MED12L: variants seen among roughly 807,000 people sequenced by gnomAD.
MED12L encodes the protein mediator of RNA polymerase II transcription subunit 12-like protein.
Under a neutral mutation model 281.3 loss-of-function variants are expected in MED12L, and 60 were observed. The observed-to-expected ratio is 0.21, with a 90% confidence interval of 0.17 to 0.26. The LOEUF (loss-of-function observed/expected upper bound fraction) is 0.26, where lower values mean the gene tolerates loss of function less well. Ranked by LOEUF, MED12L falls within the 10% of genes least tolerant of loss-of-function variation. The pLI, the probability that MED12L is intolerant of heterozygous loss-of-function variation, is 1.00. For missense variants in MED12L, 2,146 were observed against 2,680.9 expected, an observed-to-expected ratio of 0.80 and a Z score of 4.41; for synonymous variants, 974 against 987.2, an observed-to-expected ratio of 0.99 and a Z score of 0.25.
At chr3:151,406,406 T>C (rs976908015) in intron 39 of MED12L, among the ~76,000 whole-genome samples, 2 of 152,246 alleles carry the variant, frequency 1.3e-5, no homozygotes, top group African/African-American at 4.8e-5. Context: ...ATCCATTTCA[T>C]TCTGATAGGA....
intron 16 of MED12L, among the ~76,000 whole-genome samples, chr3:151,261,806 C>A (rs1343516468): frequency 6.6e-6 from 1 of 152,162 alleles, no homozygotes; most frequent in Non-Finnish European, 1.5e-5. Flanking sequence ...CGCACTATAA[C>A]CTCCACCTCC....
Position 151,377,027 on chromosome 3 carries a change from G to A in MED12L, c.4165G>A (p.Asp1389Asn). 6.2e-7 allele frequency: 1 copy of A among 1,614,008 alleles called. No individual in the cohort carries two copies. The highest frequency in any genetic ancestry group is 8.5e-7 in the Non-Finnish European group (1 of 1,179,942). ...TGTGGCCGAAATGAACAACTTACTGGACAATATTGCAAAGGCAACAATAGA... is the reference window on the plus strand; with the variant it reads ...TGTGGCCGAAATGAACAACTTACTGAACAATATTGCAAAGGCAACAATAGA... ...GSVAEMNNLL[D>N]NIAKATIEVF... Residue 1389 changes from aspartate (D) to asparagine (N), a missense_variant, in exon 30 of 45, where the codon GAC (aspartate) becomes AAC (asparagine). Around this residue, in one of 9 missense-constraint regions of MED12L, gnomAD observed 235 missense variants for 260.3 expected, o/e 0.90. Transcript: ENST00000687756.
intron 16 of MED12L, among the ~76,000 whole-genome samples, chr3:151,260,570 C>T (rs1471579423): frequency 2.6e-5 from 4 of 152,050 alleles, no homozygotes; most frequent in African/African-American, 4.8e-5. Context: ...TGGTCGGTCT[C>T]GAACTTCTGA....
At chr3:151,141,187 G>GTTTTGTTTTTTTGTTTTTT (rs1716934388) in intron 5 of MED12L, among the ~76,000 whole-genome samples, 4 of 99,124 alleles carry the variant, frequency 4.0e-5, no homozygotes, top group East Asian at 3.6e-4. Flanking sequence ...TGTTTTTTTT[G>GTTTTGTTTTTTTGTTTTTT]TTTTTTTTTT....
At chr3:151,231,287 A>G (rs145237152) in intron 16 of MED12L, among the ~76,000 whole-genome samples, 1 of 152,338 alleles carries the variant, frequency 6.6e-6, no homozygotes, top group African/African-American at 2.4e-5. Context: ...ATAAGCTTCA[A>G]TTGTGGCCAA....
intron 16 of MED12L, among the ~76,000 whole-genome samples, chr3:151,304,065 A>C (rs1318084588): frequency 6.6e-6 from 1 of 152,190 alleles, no homozygotes; most frequent in Admixed American, 6.5e-5. Flanking sequence ...CCAGTGCTCC[A>C]CGTGCTGGGG....
intron 33 of MED12L, among the ~76,000 whole-genome samples, chr3:151,383,107 G>A (rs937169983): frequency 1.3e-5 from 2 of 152,164 alleles, no homozygotes; most frequent in African/African-American, 2.4e-5. Context: ...TTAACTCAAA[G>A]TTTTGTCCAA....
At chr3:151,366,261 T>G (rs1158506053) in intron 23 of MED12L, among the ~76,000 whole-genome samples, 1 of 152,198 alleles carries the variant, frequency 6.6e-6, no homozygotes, top group Non-Finnish European at 1.5e-5. Flanking sequence ...TAGTTGAGAT[T>G]TCTTCCATAT....
chr3:151,387,982 A>G lies in MED12L; in HGVS notation c.5261A>G (p.Lys1754Arg). ...CTGTATCACACACACCCCATGCCCA[A>G]GCCCCGCAGTTACTACCTCCAGCCA... is the stretch of plus-strand genomic sequence containing the variant. ...LLLYHTHPMP[K>R]PRSYYLQPLP... is the part of the protein sequence containing the mutation. The change falls in exon 37 of 45, where the codon AAG (lysine) becomes AGG (arginine). Residue 1754 changes from lysine to arginine, a missense_variant. By Grantham distance (26) the Lys-to-Arg change is conservative. This residue lies in a region of MED12L where 496 missense variants were observed against 512.0 expected (regional missense o/e 0.97). Coordinates refer to ENST00000687756, the MANE Select transcript of MED12L (RefSeq NM_001393769.1). The G allele has an allele frequency of 6.2e-7, 1 of 1,614,066 alleles. No homozygotes were observed. The highest frequency in any genetic ancestry group is 8.5e-7 in the Non-Finnish European group (1 of 1,180,010).
intron 43 of MED12L, among the ~76,000 whole-genome samples, chr3:151,428,956 A>G (rs1191400302): frequency 1.3e-5 from 2 of 152,198 alleles, no homozygotes; most frequent in South Asian, 4.1e-4. Flanking sequence ...TGTACTTACA[A>G]TCCTGGGCTA....
intron 16 of MED12L, among the ~76,000 whole-genome samples, chr3:151,226,816 T>C (rs1408629143): frequency 6.6e-6 from 1 of 152,210 alleles, no homozygotes; most frequent in Non-Finnish European, 1.5e-5. Context: ...ATTTTTTGAC[T>C]CAGTTTTCTA....
At chr3:151,375,043 G>T (rs1756659186) in intron 27 of MED12L, among the ~76,000 whole-genome samples, 1 of 152,228 alleles carries the variant, frequency 6.6e-6, no homozygotes, top group African/African-American at 2.4e-5. Flanking sequence ...TATGGTAAAA[G>T]ATAGCTACAT....
rs1712910627 is a variant in MED12L, at chr3:151,384,203, A to C, written c.4911A>C (p.Leu1637Phe). Residue 1637 changes from leucine to phenylalanine, a missense_variant, in exon 35 of 45, where the codon TTA becomes TTC. Coordinates refer to ENST00000687756, the MANE Select transcript of MED12L (RefSeq NM_001393769.1). ...AGAACAAGCGTGCATACATGAATTT[A>C]GTAAAGAAACTGAAAGTAAGTTTGA... ...SEENKRAYMN[L>F]VKKLKKELGD... 1 of 1,605,740 alleles carries C rather than the reference A, an allele frequency of 6.2e-7. No individual in the cohort carries two copies. Among genetic ancestry groups the C allele is most frequent in the Non-Finnish European group, 8.5e-7 (1 of 1,177,720 alleles).
chr3:151,266,752 C>A (rs1739909789), intron 16 of MED12L, among the ~76,000 whole-genome samples: 1 of 152,132 alleles, frequency 6.6e-6, no homozygotes, highest in South Asian at 2.1e-4. Context: ...AGCATACATG[C>A]AGGAAATAGT....
At chr3:151,204,450 A>G (rs1022780179) in intron 16 of MED12L, among the ~76,000 whole-genome samples, 2 of 152,152 alleles carry the variant, frequency 1.3e-5, no homozygotes, top group African/African-American at 2.4e-5. Flanking sequence ...TATAATTATT[A>G]TTTTTGCCAG....
intron 30 of MED12L, 33 bp from the exon 31 acceptor site, chr3:151,377,979 T>C (rs1340147185): frequency 3.9e-6 from 6 of 1,546,470 alleles, no homozygotes; most frequent in Non-Finnish European, 5.3e-6. Context: ...GAAAGGATGC[T>C]TTCTCCGGTG....
At chr3:151,332,235 C>T (rs1056825958) in intron 16 of MED12L, among the ~76,000 whole-genome samples, 8 of 152,104 alleles carry the variant, frequency 5.3e-5, no homozygotes, top group Admixed American at 1.3e-4. Context: ...AATTGACAGT[C>T]CAAGGCCCAG....
At position 151,279,494 on chromosome 3, in the gene MED12L, A is replaced by G. The variant is rs933655979; in HGVS notation, c.2251-70565A>G. Among the ~76,000 whole-genome samples the G allele has an allele frequency of 3.9e-5, 6 of 152,162 alleles. No individual in the cohort carries two copies. In the East Asian group the frequency reaches 1.2e-3, roughly 29 times the overall value. ...CTCACAGACTTGCTAGTCACTGTTG[A>G]TCCTTGGCAAAGACCTGTGAGACAC... On this transcript the variant is annotated intron_variant, in intron 16 of 44. Transcript: ENST00000687756.
intron 38 of MED12L, 84 bp from the exon 39 acceptor site, chr3:151,394,572 G>A (rs1560120556): frequency 1.3e-6 from 2 of 1,576,576 alleles, no homozygotes; most frequent in African/African-American, 2.7e-5. Flanking sequence ...AGACTTAGAA[G>A]GTGAAATTTC....
Sources: allele counts gnomAD v4.1 joint callset (sites outside exome capture counted in the v4.1 genomes callset), GRCh38; gene constraint gnomAD v4.1.1; regional missense constraint gnomAD v4.1.1; transcripts MANE v1.5; gene names NCBI Gene and HGNC (gene_info 2026-07-23, HGNC 2026-07-21).